Variants in CERT1 observed in about 807,000 individuals in gnomAD.
The protein encoded by CERT1 is ceramide transfer protein.
CERT1 carries 31 observed loss-of-function variants against 87.9 expected under a neutral mutation model. That is an observed-to-expected ratio of 0.35 (90% CI 0.27 to 0.48). CERT1 has a LOEUF of 0.48. Ranked by LOEUF, CERT1 falls within the 20% of genes least tolerant of loss-of-function variation. The pLI is 0.99. For missense variants in CERT1, 487 were observed against 758.0 expected, an observed-to-expected ratio of 0.64 and a Z score of 4.20; for synonymous variants, 289 against 250.9, an observed-to-expected ratio of 1.15 and a Z score of -1.44.
chr5:75,393,949 A>C (rs1366687400), intron 11 of CERT1, among the ~76,000 whole-genome samples: 2 of 152,072 alleles, frequency 1.3e-5, no homozygotes, highest in Non-Finnish European at 2.9e-5. Context: ...TGGGCAACAT[A>C]GCAAGACTCC....
At chr5:75,417,293 C>T (rs1281737189) in intron 6 of CERT1, among the ~76,000 whole-genome samples, 2 of 152,028 alleles carry the variant, frequency 1.3e-5, no homozygotes, top group Non-Finnish European at 2.9e-5. Context: ...CCCAATTAAT[C>T]AAATGGTAGG....
intron 2 of CERT1, among the ~76,000 whole-genome samples, chr5:75,490,739 C>A (rs1176671832): frequency 6.6e-6 from 1 of 152,132 alleles, no homozygotes; most frequent in Non-Finnish European, 1.5e-5. Flanking sequence ...ACCTCATGAT[C>A]CGCCCACCTC....
intron 1 of CERT1, among the ~76,000 whole-genome samples, chr5:75,507,599 A>T (rs1767714161): frequency 1.3e-5 from 2 of 152,158 alleles, no homozygotes; most frequent in Non-Finnish European, 2.9e-5. Flanking sequence ...CTTCCTATAA[A>T]GTATACTTCC....
chr5:75,502,879 G>C (rs971367456), intron 2 of CERT1, among the ~76,000 whole-genome samples: 1 of 151,962 alleles, frequency 6.6e-6, no homozygotes, highest in Non-Finnish European at 1.5e-5. Context: ...TTGTAGCAGG[G>C]GCTGGGTCTT....
At chr5:75,430,315 A>G (rs1184141088) in intron 3 of CERT1, among the ~76,000 whole-genome samples, 1 of 152,248 alleles carries the variant, frequency 6.6e-6, no homozygotes, top group East Asian at 1.9e-4. Context: ...ACAAGGTGGA[A>G]TCAAAGCTCT....
chr5:75,473,753 CTA>C (rs1248902537), intron 2 of CERT1, among the ~76,000 whole-genome samples: 2 of 152,120 alleles, frequency 1.3e-5, no homozygotes, highest in South Asian at 2.1e-4. Context: ...AAAATGATAA[CTA>C]TGTGAGGTAA....
intron 11 of CERT1, among the ~76,000 whole-genome samples, chr5:75,395,128 G>A (rs1281744803): frequency 6.6e-6 from 1 of 152,166 alleles, no homozygotes; most frequent in Non-Finnish European, 1.5e-5. Flanking sequence ...CATAGATTAA[G>A]CTGCAAATTC....
At chr5:75,434,359 T>C (rs945372227) in intron 3 of CERT1, among the ~76,000 whole-genome samples, 2 of 152,104 alleles carry the variant, frequency 1.3e-5, no homozygotes, top group African/African-American at 2.4e-5. Context: ...CCTACTTGAT[T>C]GTGGTGGTGT....
intron 17 of CERT1, chr5:75,369,629 G>C (rs1033879033): frequency 1.3e-5 from 2 of 152,196 alleles, no homozygotes; most frequent in African/African-American, 2.4e-5. Context: ...CAGGACTGTT[G>C]AGTGGGGAGG....
chr5:75,490,535 G>T (rs1247977368), intron 2 of CERT1, among the ~76,000 whole-genome samples: 1 of 151,320 alleles, frequency 6.6e-6, no homozygotes, highest in Non-Finnish European at 1.5e-5. Flanking sequence ...GTCTCGCTGT[G>T]TCGCCCAGGC....
intron 12 of CERT1, among the ~76,000 whole-genome samples, chr5:75,388,895 G>A (rs978211278): frequency 6.6e-6 from 1 of 151,836 alleles, no homozygotes; most frequent in Admixed American, 6.6e-5. Context: ...AAAAGTGCTG[G>A]GATTACAGGC....
chr5:75,458,450 A>T (rs967859991), intron 3 of CERT1, among the ~76,000 whole-genome samples: 1 of 152,234 alleles, frequency 6.6e-6, no homozygotes, highest in African/African-American at 2.4e-5. Context: ...TTTTATTTAG[A>T]TCATTAAAAA....
At chr5:75,432,287 G>A (rs567108380) in intron 3 of CERT1, among the ~76,000 whole-genome samples, 3 of 152,068 alleles carry the variant, frequency 2.0e-5, no homozygotes, top group African/African-American at 4.8e-5. Context: ...GATCTCTGAC[G>A]TCGTAATCCG....
chr5:75,500,806 T>C (rs1767327171), intron 2 of CERT1, among the ~76,000 whole-genome samples: 2 of 152,228 alleles, frequency 1.3e-5, no homozygotes, highest in Admixed American at 6.5e-5. Flanking sequence ...CTAATCATCT[T>C]TGATGATACC....
intron 14 of CERT1, among the ~76,000 whole-genome samples, chr5:75,383,697 G>A (rs1020992302): frequency 6.7e-6 from 1 of 149,856 alleles, no homozygotes; most frequent in African/African-American, 2.4e-5. Context: ...TTCATATACT[G>A]CACTCAAAAA....
intron 9 of CERT1, 124 bp from the exon 10 acceptor site, chr5:75,400,421 A>G (rs1041370924): frequency 5.1e-5 from 31 of 613,402 alleles, no homozygotes; most frequent in Non-Finnish European, 8.2e-5. Flanking sequence ...TATAACCATT[A>G]GAATTATGAA....
At chr5:75,511,827 G>A (rs1447214575), upstream of CERT1, 2 of 1,551,080 alleles carry the variant, frequency 1.3e-6, no homozygotes, top group Middle Eastern at 1.7e-4. Context: ...GCGGGGTAGG[G>A]ATGCAGCTGT....
At chr5:75,410,591 C>T (rs1272721848) in intron 8 of CERT1, 1 of 124,604 alleles carries the variant, frequency 8.0e-6, no homozygotes, top group East Asian at 2.3e-4. Flanking sequence ...GCCTGGGTGA[C>T]ACAGCGAGAC....
exon 18 of CERT1, chr5:75,368,642 C>T (rs1460103929): frequency 6.6e-6 from 1 of 152,162 alleles, no homozygotes; most frequent in Non-Finnish European, 1.5e-5. Context: ...ACTCAGTTTC[C>T]TGTTTCATCC....
Sources: gnomAD v4.1 joint callset for allele counts (sites outside exome capture counted in the v4.1 genomes callset) on GRCh38, gnomAD v4.1.1 for gene constraint, MANE v1.5 for transcripts, NCBI Gene and HGNC (gene_info 2026-07-23, HGNC 2026-07-21) for gene names.